Variants in PCDH15 observed in about 807,000 individuals in gnomAD.
The protein encoded by PCDH15 is protocadherin related 15.
PCDH15 carries 129 observed loss-of-function variants against 178.5 expected under a neutral mutation model. That is an observed-to-expected ratio of 0.72 (90% CI 0.63 to 0.84). The LOEUF (loss-of-function observed/expected upper bound fraction) is 0.84, where lower values mean the gene tolerates loss of function less well. Among genes scored for constraint, PCDH15 ranks in the 40% least tolerant of loss-of-function variants. The pLI is 0.00. For missense variants in PCDH15, 2,230 were observed against 2,099.9 expected, an observed-to-expected ratio of 1.06 and a Z score of -1.21; for synonymous variants, 800 against 732.0, an observed-to-expected ratio of 1.09 and a Z score of -1.50.
At chr10:55,447,235 T>C (rs1376001846) in intron 2 of PCDH15, among the ~76,000 whole-genome samples, 1 of 151,986 alleles carries the variant, frequency 6.6e-6, no homozygotes, top group East Asian at 1.9e-4. Context: ...AAGTGAGAAA[T>C]CATTAAGTAT....
intron 2 of PCDH15, among the ~76,000 whole-genome samples, chr10:55,504,444 T>A (rs1370548212): frequency 6.6e-6 from 1 of 151,472 alleles, no homozygotes; most frequent in Non-Finnish European, 1.5e-5. Context: ...TGTAAATATG[T>A]CATTTAAAAT....
At chr10:54,535,377 T>G (rs559050166) in intron 2 of PCDH15, among the ~76,000 whole-genome samples, 5 of 152,112 alleles carry the variant, frequency 3.3e-5, no homozygotes, top group African/African-American at 1.2e-4. Context: ...GACTTGAACA[T>G]AAATGGCATT....
At chr10:55,276,529 T>C (rs566735967) in intron 1 of PCDH15, among the ~76,000 whole-genome samples, 1 of 151,624 alleles carries the variant, frequency 6.6e-6, no homozygotes, top group East Asian at 1.9e-4. Context: ...AAACAATTTT[T>C]TTACACTAAA....
intron 3 of PCDH15, among the ~76,000 whole-genome samples, chr10:54,851,437 A>C (rs2131766331): frequency 6.6e-6 from 1 of 152,278 alleles, no homozygotes; most frequent in Admixed American, 6.5e-5. Flanking sequence ...GTAATTCTTG[A>C]GATAACAGAC....
At chr10:55,278,933 C>T (rs1487114364) in intron 1 of PCDH15, among the ~76,000 whole-genome samples, 1 of 152,190 alleles carries the variant, frequency 6.6e-6, no homozygotes, top group Non-Finnish European at 1.5e-5. Context: ...AAACAGGCTG[C>T]TTCAATTTTA....
intron 3 of PCDH15, among the ~76,000 whole-genome samples, chr10:54,468,295 T>G (rs1427264258): frequency 6.6e-6 from 1 of 151,994 alleles, no homozygotes; most frequent in Non-Finnish European, 1.5e-5. Flanking sequence ...AGGCGTTTAT[T>G]GCTAAAAACT....
chr10:53,905,533 C>T (rs2082621367), intron 25 of PCDH15, among the ~76,000 whole-genome samples: 1 of 151,982 alleles, frequency 6.6e-6, no homozygotes, highest in African/African-American at 2.4e-5. Context: ...GACGGGATTT[C>T]TCCATATTGG....
intron 2 of PCDH15, chr10:55,600,076 T>G: frequency 1.3e-6 from 1 of 760,842 alleles, no homozygotes; most frequent in Non-Finnish European, 1.9e-6. Context: ...AAAATTTTGG[T>G]TGGGGTGGCC....
intron 2 of PCDH15, among the ~76,000 whole-genome samples, chr10:55,339,935 G>GAA (rs146876107): frequency 7.1e-6 from 1 of 140,918 alleles, no homozygotes; most frequent in African/African-American, 2.6e-5. Context: ...ATTAAACAAA[G>GAA]AAAAAAAAAA....
intron 2 of PCDH15, among the ~76,000 whole-genome samples, chr10:54,651,513 A>G (rs765496376): frequency 2.0e-5 from 3 of 152,206 alleles, no homozygotes; most frequent in Non-Finnish European, 2.9e-5. Context: ...AAGCAAAGCC[A>G]TAGTATGCAA....
intron 1 of PCDH15, among the ~76,000 whole-genome samples, chr10:54,668,759 A>T (rs900037628): frequency 2.6e-5 from 4 of 152,282 alleles, no homozygotes; most frequent in African/African-American, 9.6e-5. Context: ...ATGTGAATAA[A>T]CACTAACTTT....
intron 2 of PCDH15, among the ~76,000 whole-genome samples, chr10:55,037,211 G>A (rs961143430): frequency 6.6e-6 from 1 of 151,974 alleles, no homozygotes; most frequent in East Asian, 1.9e-4. Flanking sequence ...TAAATATGTG[G>A]GTCAATTGTT....
At chr10:53,955,195 T>C (rs1241099322) in intron 23 of PCDH15, among the ~76,000 whole-genome samples, 1 of 152,206 alleles carries the variant, frequency 6.6e-6, no homozygotes, top group Non-Finnish European at 1.5e-5. Flanking sequence ...TGGACTTCTG[T>C]CTGGTTTCCC....
intron 2 of PCDH15, among the ~76,000 whole-genome samples, chr10:55,491,204 C>T (rs912796746): frequency 6.6e-6 from 1 of 151,688 alleles, no homozygotes; most frequent in Non-Finnish European, 1.5e-5. Flanking sequence ...AAGACAGAGG[C>T]TCCCTTGACC....
intron 2 of PCDH15, among the ~76,000 whole-genome samples, chr10:55,096,037 A>G (rs1271357172): frequency 6.6e-6 from 1 of 152,094 alleles, no homozygotes. Flanking sequence ...GCCTTGATAT[A>G]TTTAGCAATC....
At chr10:55,242,609 T>G (rs938620979) in intron 1 of PCDH15, among the ~76,000 whole-genome samples, 1 of 152,038 alleles carries the variant, frequency 6.6e-6, no homozygotes, top group African/African-American at 2.4e-5. Context: ...TTGAGGAGGC[T>G]GACAGGCAGA....
chr10:54,289,218 C>A (rs1050120001), intron 8 of PCDH15, among the ~76,000 whole-genome samples: 2 of 152,150 alleles, frequency 1.3e-5, no homozygotes, highest in African/African-American at 4.8e-5. Context: ...CTGGTGATAC[C>A]TAGGCAAACA....
At chr10:54,990,597 G>T (rs140132486) in intron 2 of PCDH15, among the ~76,000 whole-genome samples, 1,974 of 152,198 alleles carry the variant, frequency 0.013, 52 homozygotes, top group African/African-American at 0.042. Flanking sequence ...TGTTTGTGCA[G>T]AGATATTTTT....
At chr10:55,584,837 C>T (rs1842693766) in intron 2 of PCDH15, among the ~76,000 whole-genome samples, 1 of 151,022 alleles carries the variant, frequency 6.6e-6, no homozygotes, top group Non-Finnish European at 1.5e-5. Flanking sequence ...AAATGTTAGG[C>T]TATAAATACA....
Sources: gnomAD v4.1 joint callset for allele counts (sites outside exome capture counted in the v4.1 genomes callset) on GRCh38, gnomAD v4.1.1 for gene constraint, MANE v1.5 for transcripts, NCBI Gene and HGNC (gene_info 2026-07-23, HGNC 2026-07-21) for gene names.